Variants in FBXO5 observed in about 807,000 individuals in gnomAD.
FBXO5 encodes the protein F-box protein 5, also known as F-box only protein 5.
In FBXO5, 8 loss-of-function variants were observed where a neutral mutation model predicts 43.3. The observed-to-expected ratio is 0.18, with a 90% CI of 0.11 to 0.33. The LOEUF (loss-of-function observed/expected upper bound fraction) is 0.33, where lower values mean the gene tolerates loss of function less well. Among genes scored for constraint, FBXO5 ranks in the 10% least tolerant of loss-of-function variants. The pLI is 1.00. For missense variants in FBXO5, 491 were observed against 535.7 expected (o/e 0.92, Z 0.82); for synonymous variants, 204 against 193.7 (o/e 1.05, Z -0.44).
chr6:152,980,569 G>A (rs1778245212), intron 1 of FBXO5, among the ~76,000 whole-genome samples: 1 of 152,188 alleles, frequency 6.6e-6, no homozygotes, highest in African/African-American at 2.4e-5. Flanking sequence ...CAATTGTGGA[G>A]AATGAATTGC....
chr6:152,974,968 T>C lies in FBXO5; in HGVS notation c.757A>G (p.Arg253Gly). The C allele has an allele frequency of 6.2e-7, 1 of 1,613,450 alleles. No individual in the cohort carries two copies. The highest frequency in any genetic ancestry group is 8.5e-7 in the Non-Finnish European group (1 of 1,179,814). Residue 253 changes from arginine (R) to glycine (G), a missense_variant, in exon 2 of 5, where the codon AGG becomes GGG. Transcript: ENST00000229758. ...GTTGCTAAGACATGTCTGAGTCCCC[T>C]TCGAAAGAGTTCGCTGAGAATATCT... ...CVDILSELFR[R>G]GLRHVLATIL...
At chr6:152,982,771 C>A in intron 1 of FBXO5, 86 bp downstream of exon 1, 1 of 928,064 alleles carries the variant, frequency 1.1e-6, no homozygotes, top group Admixed American at 4.1e-5. Flanking sequence ...CTCCGAGGGA[C>A]GTCGGGTCAG....
chr6:152,973,087 C>G lies in FBXO5; in HGVS notation c.868G>C (p.Gly290Arg). Residue 290 changes from glycine (G) to arginine (R), a missense_variant, in exon 3 of 5, where the codon GGG becomes CGG. Transcript: ENST00000229758. Reference protein sequence around the residue: ...TWKKILEDDKGAFQLYSKAIQ... With the variant: ...TWKKILEDDKRAFQLYSKAIQ... ...GCTTTACTGTACAACTGGAATGCCCCCTTATCATCTTCTAGGATCTTCTTC... is the reference window on the plus strand; with the variant it reads ...GCTTTACTGTACAACTGGAATGCCCGCTTATCATCTTCTAGGATCTTCTTC... 1 of 1,613,920 alleles carries G rather than the reference C, an allele frequency of 6.2e-7. No individual in the cohort carries two copies. Among genetic ancestry groups the G allele is most frequent in the Non-Finnish European group, 8.5e-7 (1 of 1,179,918 alleles).
chr6:152,973,422 T>A (rs1272425170), intron 2 of FBXO5: 2 of 313,988 alleles, frequency 6.4e-6, no homozygotes, highest in Non-Finnish European at 1.2e-5. Context: ...CATCAAATAG[T>A]AGCCCCCACT....
chr6:152,975,317 T>C lies in FBXO5; in HGVS notation c.408A>G (p.Leu136=), dbSNP rs763317967. Residue 136 remains leucine, a synonymous_variant, in exon 2 of 5, where the codon CTA becomes CTG. Transcript: ENST00000229758. ...TLNSTNEIEA[L]ETSRLYEDSG... ...TGTCTTCATAAAGTCTACTGGTCTC[T>C]AGTGCTTCTATTTCATTTGTACTAT... is the stretch of plus-strand genomic sequence containing the variant. 1.2e-6 allele frequency: 2 copies of C among 1,614,226 alleles called. No individual in the cohort carries two copies. Among genetic ancestry groups the C allele is most frequent in the South Asian group, 1.1e-5 (1 of 91,082 alleles).
chr6:152,976,357 T>G lies in FBXO5; in HGVS notation c.104-736A>C, dbSNP rs117198587. Among the ~76,000 whole-genome samples, 26 of 152,336 alleles carry G rather than the reference T, an allele frequency of 1.7e-4. No individual in the cohort carries two copies. In the East Asian group the frequency reaches 5.0e-3, roughly 29 times the overall value. On this transcript the variant is annotated intron_variant, in intron 1 of 4. Transcript: ENST00000229758. ...TCCCACAGCTCTTATCTCCAAGTTTTATTCTGATGGGTGCTCCTGGTGACC... is the reference window on the plus strand; with the variant it reads ...TCCCACAGCTCTTATCTCCAAGTTTGATTCTGATGGGTGCTCCTGGTGACC...
At position 152,971,180 on chromosome 6, in the gene FBXO5, T is replaced by C; in HGVS notation, c.1327A>G (p.Asn443Asp). The C allele has an allele frequency of 6.2e-7, 1 of 1,606,648 alleles. No individual in the cohort carries two copies. The highest frequency in any genetic ancestry group is 8.5e-7 in the Non-Finnish European group (1 of 1,177,920). Residue 443 changes from asparagine (N) to aspartate (D), a missense_variant, in exon 5 of 5, where the codon AAT becomes GAT. By Grantham distance (23) the Asn-to-Asp change is conservative. Transcript: ENST00000229758. ...PLPGTKKSKK[N>D]LRRL is the part of the protein sequence containing the mutation. Reference sequence around the variant, plus strand: ...ATAAGAGATCACAATCTTCGTAAATTCTTTTTGCTTTTCTTTGTACCAGGC... The same window carrying C: ...ATAAGAGATCACAATCTTCGTAAATCCTTTTTGCTTTTCTTTGTACCAGGC...
At chr6:152,978,058 G>A (rs1420012260) in intron 1 of FBXO5, among the ~76,000 whole-genome samples, 1 of 152,098 alleles carries the variant, frequency 6.6e-6, no homozygotes, top group African/African-American at 2.4e-5. Flanking sequence ...CCCAATACAG[G>A]CAGTTAATTA....
At position 152,982,934 on chromosome 6, in the gene FBXO5, G is replaced by T; in HGVS notation, c.26C>A (p.Ala9Asp). The change falls in exon 1 of 5, where the codon GCC becomes GAC. Residue 9 changes from alanine (A) to aspartate (D), a missense_variant. Transcript: ENST00000229758. ...GCAGGAGCAGCGGGGTGGCCGTAGG[G>T]CGCAGCTGCAGGGGCGCCGGCTCAT... MSRRPCSC[A>D]LRPPRCSCSA... 6.9e-7 allele frequency: 1 copy of T among 1,442,568 alleles called. No individual in the cohort carries two copies. Among genetic ancestry groups the T allele is most frequent in the Non-Finnish European group, 9.0e-7 (1 of 1,106,838 alleles). The allele number at this position is 1,442,568 out of a possible 1,614,324, so 89.4% of individuals were successfully genotyped here.
intron 1 of FBXO5, among the ~76,000 whole-genome samples, chr6:152,979,987 G>C (rs1411975915): frequency 6.6e-6 from 1 of 152,090 alleles, no homozygotes; most frequent in Non-Finnish European, 1.5e-5. Context: ...TGAAATTAAT[G>C]TATTTTTCAT....
chr6:152,977,758 C>G (rs1778195760), intron 1 of FBXO5, among the ~76,000 whole-genome samples: 1 of 152,220 alleles, frequency 6.6e-6, no homozygotes, highest in South Asian at 2.1e-4. Context: ...AGGGCACACT[C>G]TGCTTTGTTT....
chr6:152,977,350 C>T lies in FBXO5; in HGVS notation c.104-1729G>A, dbSNP rs148968811. Among the ~76,000 whole-genome samples the T allele has an allele frequency of 7.9e-4, 121 of 152,208 alleles. 1 individual carries two copies. Among genetic ancestry groups the T allele is most frequent in the African/African-American group, 2.7e-3 (111 of 41,526 alleles). ...TAGTCTGCACTAAATATTGGTAATG[C>T]GTTCATATAAAACTTAACCATTTTT... On this transcript the variant is annotated intron_variant, in intron 1 of 4. Transcript: ENST00000229758.
upstream of FBXO5, chr6:152,983,167 GT>G (rs1778294816): frequency 2.5e-6 from 1 of 398,900 alleles, no homozygotes; most frequent in African/African-American, 2.1e-5. Context: ...GGGCGCCCTC[GT>G]CCGCGCCCAA....
At chr6:152,982,184 CA>C (rs1334319288) in intron 1 of FBXO5, among the ~76,000 whole-genome samples, 1 of 152,162 alleles carries the variant, frequency 6.6e-6, no homozygotes, top group African/African-American at 2.4e-5. Context: ...GAGTTTGGTC[CA>C]ATGAGTTGGG....
At chr6:152,974,073 T>C (rs1042519540) in intron 2 of FBXO5, 3 of 151,966 alleles carry the variant, frequency 2.0e-5, no homozygotes, top group Admixed American at 6.6e-5. Context: ...CCTTGGTAGA[T>C]TGAGAAAGAA....
chr6:152,972,219 T>A, intron 4 of FBXO5, 53 bp downstream of exon 4: 5 of 1,373,164 alleles, frequency 3.6e-6, no homozygotes, highest in Non-Finnish European at 5.0e-6. Context: ...TCTTTTACAT[T>A]TCTTACTCTA....
At chr6:152,971,848 A>T (rs1432124766) in intron 4 of FBXO5, among the ~76,000 whole-genome samples, 1 of 152,054 alleles carries the variant, frequency 6.6e-6, no homozygotes, top group African/African-American at 2.4e-5. Flanking sequence ...TTTCCACTTA[A>T]CTCTCTTCCT....
intron 1 of FBXO5, 81 bp from the exon 2 acceptor site, chr6:152,975,702 T>A: frequency 1.2e-6 from 1 of 863,354 alleles, no homozygotes; most frequent in Non-Finnish European, 1.8e-6. Context: ...TATACAAAGA[T>A]TACTTTGCAA....
Position 152,975,403 on chromosome 6 carries a change from G to A in FBXO5, c.322C>T (p.Leu108Phe). The A allele has an allele frequency of 6.2e-7, 1 of 1,613,754 alleles. No individual in the cohort carries two copies. Among genetic ancestry groups the A allele is most frequent in the Non-Finnish European group, 8.5e-7 (1 of 1,179,898 alleles). The change falls in exon 2 of 5, where the codon CTT (leucine) becomes TTT (phenylalanine). Residue 108 changes from leucine to phenylalanine, a missense_variant. Leu to Phe is a conservative substitution (Grantham distance 22). Transcript: ENST00000229758. ...SPIVSPRIVQ[L>F]ETESKRLHNK... ...TGCAAGCGCTTGCTTTCAGTTTCAA[G>A]TTGTACAATCCTAGGGCTCACAATC...
Sources: gnomAD v4.1 joint callset for allele counts (sites outside exome capture counted in the v4.1 genomes callset) on GRCh38, gnomAD v4.1.1 for gene constraint, MANE v1.5 for transcripts, NCBI Gene and HGNC (gene_info 2026-07-23, HGNC 2026-07-21) for gene names.